EPM2A: variants seen among roughly 807,000 people sequenced by gnomAD.
The protein encoded by EPM2A is EPM2A glucan phosphatase, laforin.
A neutral mutation model predicts 26.5 loss-of-function variants in EPM2A; 21 were observed. That is an observed-to-expected ratio of 0.79 (90% confidence interval 0.56 to 1.14). EPM2A has a LOEUF of 1.14. Among genes scored for constraint, EPM2A ranks in the 50% most tolerant of loss-of-function variants. EPM2A has a pLI of 0.00. For missense variants in EPM2A, 458 were observed against 440.8 expected, an observed-to-expected ratio of 1.04 and a Z score of -0.35; for synonymous variants, 217 against 177.6, an observed-to-expected ratio of 1.22 and a Z score of -1.76.
At chr6:145,400,497 T>C (rs1349437479) in intron 4 of EPM2A, among the ~76,000 whole-genome samples, 3 of 152,130 alleles carry the variant, frequency 2.0e-5, no homozygotes, top group African/African-American at 7.2e-5. Flanking sequence ...CCCCGCCCTT[T>C]TTTGTGGTTT....
intron 2 of EPM2A, among the ~76,000 whole-genome samples, chr6:145,563,615 C>T (rs365869): frequency 0.36 from 54,187 of 151,940 alleles, 10,175 homozygotes; most frequent in South Asian, 0.51. Context: ...TATCTACATA[C>T]AGTCAAATAG....
chr6:145,609,015 A>G (rs1417862530), intron 2 of EPM2A, among the ~76,000 whole-genome samples: 1 of 152,270 alleles, frequency 6.6e-6, no homozygotes, highest in Non-Finnish European at 1.5e-5. Context: ...TGGCTAAGAC[A>G]TCATCTTAGC....
intron 4 of EPM2A, among the ~76,000 whole-genome samples, chr6:145,476,122 T>C (rs763884264): frequency 2.0e-5 from 3 of 152,102 alleles, no homozygotes; most frequent in Non-Finnish European, 2.9e-5. Flanking sequence ...GGATTTGCTA[T>C]ACTCATATAA....
Position 145,648,280 on chromosome 6 carries a change from T to C in EPM2A, c.477-12794A>G, listed in dbSNP as rs150364367. The stretch of plus-strand genomic sequence containing the variant: ...ATAAAAGGTAGAGACCAGCCTCTAT[T>C]TGAACCAGAGAGATTCATAGCAACC... On this transcript the variant is annotated intron_variant, in intron 2 of 3. Coordinates refer to ENST00000367519, the MANE Select transcript of EPM2A (RefSeq NM_005670.4). Among the ~76,000 whole-genome samples the C allele has an allele frequency of 5.0e-4, 76 of 152,324 alleles. 1 individual carries two copies. The East Asian group carries it at 0.013, about 27-fold the overall frequency.
intron 4 of EPM2A, among the ~76,000 whole-genome samples, chr6:145,443,957 T>C (rs1015230007): frequency 1.3e-5 from 2 of 152,330 alleles, no homozygotes; most frequent in African/African-American, 4.8e-5. Context: ...TCCCCAGCCA[T>C]GTGGAACTGT....
chr6:145,455,329 G>A (rs1241899168), intron 4 of EPM2A, among the ~76,000 whole-genome samples: 1 of 151,942 alleles, frequency 6.6e-6, no homozygotes, highest in Non-Finnish European at 1.5e-5. Flanking sequence ...ATATGATTTA[G>A]AATTTTCATT....
chr6:145,669,367 G>A (rs1481154124), intron 2 of EPM2A, among the ~76,000 whole-genome samples: 1 of 152,118 alleles, frequency 6.6e-6, no homozygotes. Context: ...TCTTCCAAGG[G>A]TTTGATAATC....
At chr6:145,598,788 T>C (rs1461647704) in intron 2 of EPM2A, among the ~76,000 whole-genome samples, 1 of 152,180 alleles carries the variant, frequency 6.6e-6, no homozygotes, top group South Asian at 2.1e-4. Context: ...TTGAATATGG[T>C]GTAGGGAAGG....
At chr6:145,608,885 A>G (rs533303810) in intron 2 of EPM2A, among the ~76,000 whole-genome samples, 12 of 152,370 alleles carry the variant, frequency 7.9e-5, no homozygotes, top group Non-Finnish European at 1.6e-4. Context: ...TTAACCAAAT[A>G]GGCAACAAAT....
At chr6:145,644,120 A>ATGTT (rs1322871247) in intron 2 of EPM2A, among the ~76,000 whole-genome samples, 1 of 152,218 alleles carries the variant, frequency 6.6e-6, no homozygotes, top group Non-Finnish European at 1.5e-5. Flanking sequence ...ATGGTGCAGT[A>ATGTT]CAGTTCATAA....
intron 2 of EPM2A, among the ~76,000 whole-genome samples, chr6:145,613,686 T>C (rs1401324716): frequency 6.6e-6 from 1 of 152,204 alleles, no homozygotes; most frequent in Non-Finnish European, 1.5e-5. Flanking sequence ...GGTGAGCAGG[T>C]ATCTTGTCAA....
intron 2 of EPM2A, among the ~76,000 whole-genome samples, chr6:145,652,651 CA>C (rs1777966951): frequency 1.3e-5 from 2 of 151,738 alleles, no homozygotes; most frequent in Admixed American, 1.3e-4. Context: ...CAAGGATAAC[CA>C]CTATTCTGAC....
chr6:145,412,436 C>T (rs1455937461), intron 4 of EPM2A, among the ~76,000 whole-genome samples: 1 of 152,120 alleles, frequency 6.6e-6, no homozygotes, highest in African/African-American at 2.4e-5. Flanking sequence ...CAAAAGCTTA[C>T]TGAATTAAGT....
At chr6:145,725,312 C>T (rs1188369521) in intron 1 of EPM2A, among the ~76,000 whole-genome samples, 2 of 151,982 alleles carry the variant, frequency 1.3e-5, no homozygotes, top group Non-Finnish European at 2.9e-5. Context: ...TGAAAATGTG[C>T]AACAGGAACT....
intron 4 of EPM2A, among the ~76,000 whole-genome samples, chr6:145,409,431 C>T (rs964110025): frequency 6.6e-6 from 1 of 152,058 alleles, no homozygotes; most frequent in Non-Finnish European, 1.5e-5. Context: ...ATAAATATTG[C>T]TTCCTTTTTC....
chr6:145,601,661 G>A lies in EPM2A; in HGVS notation c.340+33584C>T, dbSNP rs74662802. Reference sequence around the variant, plus strand: ...TCAGCATGATGGCAAGGCCTATTTAGAGTGTTGTACATCATGGAATATTAA... The same window carrying A: ...TCAGCATGATGGCAAGGCCTATTTAAAGTGTTGTACATCATGGAATATTAA... On this transcript the variant is annotated intron_variant, in intron 2 of 3. Transcript: ENST00000450221. 5.0e-3 allele frequency among the ~76,000 whole-genome samples: 761 copies of A among 152,280 alleles called. 4 individuals carry two copies. The highest frequency in any genetic ancestry group is 0.018 in the African/African-American group (740 of 41,566).
intron 1 of EPM2A, among the ~76,000 whole-genome samples, chr6:145,728,221 T>G (rs1583138695): frequency 6.6e-6 from 1 of 152,196 alleles, no homozygotes; most frequent in South Asian, 2.1e-4. Context: ...TACAGAAAAC[T>G]GGTTCTGGGA....
At chr6:145,666,839 G>C (rs1471445139) in intron 2 of EPM2A, among the ~76,000 whole-genome samples, 1 of 150,382 alleles carries the variant, frequency 6.6e-6, no homozygotes, top group Non-Finnish European at 1.5e-5. Context: ...GAACAGAAAA[G>C]AGCCCTCAGA....
intron 2 of EPM2A, among the ~76,000 whole-genome samples, chr6:145,593,966 C>T (rs888150828): frequency 1.3e-5 from 2 of 151,322 alleles, no homozygotes; most frequent in African/African-American, 4.9e-5. Flanking sequence ...AAAAAAACAA[C>T]AAAAGCTGAT....
Sources: allele counts gnomAD v4.1 joint callset (sites outside exome capture counted in the v4.1 genomes callset), GRCh38; gene constraint gnomAD v4.1.1; transcripts MANE v1.5; gene names NCBI Gene and HGNC (gene_info 2026-07-23, HGNC 2026-07-21).